The following PCOLCE2 variants were observed in gnomAD, a reference collection of about 807,000 sequenced individuals.
PCOLCE2 encodes procollagen C-endopeptidase enhancer 2.
A neutral mutation model predicts 47.0 loss-of-function variants in PCOLCE2; 42 were observed. That is an observed-to-expected ratio of 0.89 (90% confidence interval 0.70 to 1.16). The LOEUF is 1.16. Among genes scored for constraint, PCOLCE2 ranks in the 50% most tolerant of loss-of-function variants. The pLI is 0.00. For synonymous variants in PCOLCE2, 169 were observed against 191.7 expected, an observed-to-expected ratio of 0.88 and a Z score of 0.98; for missense variants, 500 against 526.1, an observed-to-expected ratio of 0.95 and a Z score of 0.49.
At chr3:142,875,983 A>T (rs1373278059) in intron 2 of PCOLCE2, among the ~76,000 whole-genome samples, 1 of 152,224 alleles carries the variant, frequency 6.6e-6, no homozygotes, top group Non-Finnish European at 1.5e-5. Context: ...ATGGGCAAGA[A>T]GCCTCAGAGA....
At chr3:142,852,924 G>A (rs1049271847) in intron 2 of PCOLCE2, among the ~76,000 whole-genome samples, 3 of 151,514 alleles carry the variant, frequency 2.0e-5, no homozygotes, top group African/African-American at 7.3e-5. Flanking sequence ...GGGCAACATA[G>A]GGAGATCGTG....
At chr3:142,839,842 A>G (rs1398501987) in intron 4 of PCOLCE2, among the ~76,000 whole-genome samples, 1 of 152,220 alleles carries the variant, frequency 6.6e-6, no homozygotes, top group African/African-American at 2.4e-5. Flanking sequence ...AAAGAGAAAA[A>G]CAAGATTGTA....
intron 3 of PCOLCE2, among the ~76,000 whole-genome samples, chr3:142,847,336 C>G (rs192912872): frequency 2.2e-3 from 333 of 152,330 alleles, no homozygotes; most frequent in Admixed American, 3.8e-3. Context: ...AACATTCTGG[C>G]TGCTCTTTCA....
chr3:142,833,961 T>A (rs888590909), intron 5 of PCOLCE2, among the ~76,000 whole-genome samples: 1 of 152,222 alleles, frequency 6.6e-6, no homozygotes, highest in Non-Finnish European at 1.5e-5. Context: ...CTAATCCATC[T>A]GTCATTGATT....
intron 8 of PCOLCE2, 57 bp downstream of exon 8, chr3:142,820,821 C>A: frequency 6.7e-7 from 1 of 1,481,940 alleles, no homozygotes. Flanking sequence ...CCTAGACCAA[C>A]CATGGCATGG....
chr3:142,822,273 T>C (rs1385709368), intron 7 of PCOLCE2, among the ~76,000 whole-genome samples: 1 of 152,058 alleles, frequency 6.6e-6, no homozygotes, highest in Non-Finnish European at 1.5e-5. Flanking sequence ...AGTTCCTAGT[T>C]ATTGTGACAA....
intron 2 of PCOLCE2, among the ~76,000 whole-genome samples, chr3:142,863,509 G>A (rs1172597325): frequency 6.6e-6 from 1 of 152,178 alleles, no homozygotes; most frequent in East Asian, 1.9e-4. Flanking sequence ...GATGGGACAT[G>A]GAAAAACTTT....
At chr3:142,880,176 T>C (rs904414414) in intron 2 of PCOLCE2, among the ~76,000 whole-genome samples, 3 of 151,432 alleles carry the variant, frequency 2.0e-5, no homozygotes, top group African/African-American at 7.3e-5. Context: ...AAGCATTGGG[T>C]TAAATTACTA....
chr3:142,877,386 A>G (rs922521401), intron 2 of PCOLCE2, among the ~76,000 whole-genome samples: 1 of 152,210 alleles, frequency 6.6e-6, no homozygotes, highest in Non-Finnish European at 1.5e-5. Context: ...CTCCAAATGG[A>G]TTACCAACCA....
chr3:142,820,847 C>A, intron 8 of PCOLCE2, 31 bp downstream of exon 8: 2 of 1,579,528 alleles, frequency 1.3e-6, no homozygotes, highest in Non-Finnish European at 1.7e-6. Context: ...CCATGGCTTG[C>A]TCAGAGACAC....
chr3:142,846,539 A>T (rs1230624580), intron 3 of PCOLCE2: 1 of 152,220 alleles, frequency 6.6e-6, no homozygotes, highest in Non-Finnish European at 1.5e-5. Flanking sequence ...ACTGTATTTG[A>T]GCAGAGTCAA....
intron 2 of PCOLCE2, among the ~76,000 whole-genome samples, chr3:142,855,760 G>T (rs1933048600): frequency 1.3e-5 from 2 of 152,120 alleles, no homozygotes; most frequent in South Asian, 4.1e-4. Flanking sequence ...TTCTCTTTTT[G>T]CTCTAAGGAG....
At chr3:142,852,243 T>C (rs1017913435) in intron 2 of PCOLCE2, among the ~76,000 whole-genome samples, 3 of 152,076 alleles carry the variant, frequency 2.0e-5, no homozygotes, top group African/African-American at 4.8e-5. Flanking sequence ...ATTTTTTATA[T>C]GAGTGATCAA....
intron 2 of PCOLCE2, among the ~76,000 whole-genome samples, chr3:142,859,900 G>C (rs1933146343): frequency 6.6e-6 from 1 of 152,202 alleles, no homozygotes; most frequent in African/African-American, 2.4e-5. Context: ...TCTGGGATAA[G>C]AGAAATCAGA....
At position 142,845,264 on chromosome 3, in the gene PCOLCE2, T is replaced by TA. The variant is rs546344532; in HGVS notation, c.449-2217dup. 1.5e-4 allele frequency among the ~76,000 whole-genome samples: 23 copies of TA among 152,332 alleles called. No homozygotes were observed. The East Asian group carries it at 4.0e-3, about 27-fold the overall frequency. ...CATGTTTAAGTTATCAAAATTTACT[T>TA]AGAGTTAATATTGTACTTCACGTGT... On this transcript the variant is annotated intron_variant, in intron 3 of 8. Transcript: ENST00000295992.
intron 2 of PCOLCE2, among the ~76,000 whole-genome samples, chr3:142,872,688 A>C (rs1933413886): frequency 6.6e-6 from 1 of 152,138 alleles, no homozygotes; most frequent in Non-Finnish European, 1.5e-5. Context: ...ATAACCCCTA[A>C]GGGAAAAAAA....
intron 2 of PCOLCE2, among the ~76,000 whole-genome samples, chr3:142,850,165 T>C (rs1039871458): frequency 1.3e-5 from 2 of 151,232 alleles, no homozygotes; most frequent in Non-Finnish European, 2.9e-5. Flanking sequence ...TTCCTGTCTT[T>C]TGCTTTGTTT....
chr3:142,858,853 G>A (rs912445643), intron 2 of PCOLCE2, among the ~76,000 whole-genome samples: 3 of 152,032 alleles, frequency 2.0e-5, no homozygotes, highest in Admixed American at 2.0e-4. Flanking sequence ...TCATTTTAGG[G>A]CATTCTTTCA....
intron 2 of PCOLCE2, 115 bp from the exon 3 acceptor site, chr3:142,848,587 C>T: frequency 1.1e-6 from 1 of 920,322 alleles, no homozygotes; most frequent in Non-Finnish European, 1.6e-6. Context: ...GCTTTTTCCT[C>T]TCTCATATCT....
Sources: allele counts gnomAD v4.1 joint callset (sites outside exome capture counted in the v4.1 genomes callset), GRCh38; gene constraint gnomAD v4.1.1; transcripts MANE v1.5; gene names NCBI Gene and HGNC (gene_info 2026-07-23, HGNC 2026-07-21).